Variants in GATB observed in about 807,000 individuals in gnomAD.
GATB encodes the protein glutamyl-tRNA amidotransferase subunit B, also known as glutamyl-tRNA(Gln) amidotransferase subunit B, mitochondrial.
GATB carries 39 observed loss-of-function variants against 62.3 expected under a neutral mutation model. That is an observed-to-expected ratio of 0.63 (90% CI 0.48 to 0.82). The LOEUF (loss-of-function observed/expected upper bound fraction) is 0.82. Ranked by LOEUF, GATB falls within the 40% of genes least tolerant of loss-of-function variation. The pLI is 0.00. For synonymous variants in GATB, 276 were observed against 258.9 expected (o/e 1.07, Z -0.63); for missense variants, 670 against 684.0 (o/e 0.98, Z 0.23).
At chr4:151,671,999 G>A (rs558008531) in intron 12 of GATB, among the ~76,000 whole-genome samples, 1 of 152,360 alleles carries the variant, frequency 6.6e-6, no homozygotes, top group South Asian at 2.1e-4. Flanking sequence ...AGTCACCACA[G>A]ATGAGGCAGG....
At chr4:151,752,337 A>G (rs1739737155) in intron 2 of GATB, among the ~76,000 whole-genome samples, 1 of 152,152 alleles carries the variant, frequency 6.6e-6, no homozygotes, top group South Asian at 2.1e-4. Context: ...ATTTAGAGAT[A>G]TATGTCCTTC....
At chr4:151,760,782 G>T in intron 1 of GATB, 25 bp downstream of exon 1, 3 of 1,554,928 alleles carry the variant, frequency 1.9e-6, no homozygotes, top group Non-Finnish European at 2.6e-6. Context: ...CAGTTAGGTG[G>T]GCAGAAATGT....
intron 2 of GATB, among the ~76,000 whole-genome samples, chr4:151,751,441 A>C (rs576715099): frequency 3.3e-5 from 5 of 152,238 alleles, no homozygotes; most frequent in African/African-American, 9.6e-5. Flanking sequence ...CCTCACCGCC[A>C]AAGAAAAACA....
intron 2 of GATB, 68 bp downstream of exon 2, chr4:151,758,704 A>G: frequency 7.9e-7 from 1 of 1,261,594 alleles, no homozygotes; most frequent in Non-Finnish European, 1.1e-6. Context: ...AAACAAGAAA[A>G]TAATTTTCCA....
intron 2 of GATB, among the ~76,000 whole-genome samples, chr4:151,758,387 G>A (rs975026968): frequency 6.6e-5 from 10 of 152,068 alleles, no homozygotes; most frequent in South Asian, 2.1e-4. Flanking sequence ...TCTGGGTTTC[G>A]AAATCATCCT....
intron 8 of GATB, chr4:151,703,632 G>A (rs1255560137): frequency 3.5e-6 from 2 of 575,876 alleles, no homozygotes; most frequent in Admixed American, 3.2e-5. Flanking sequence ...AGCTGAATCA[G>A]TCAAACAAGG....
intron 2 of GATB, among the ~76,000 whole-genome samples, chr4:151,739,298 C>T (rs541060267): frequency 1.3e-5 from 2 of 152,298 alleles, no homozygotes; most frequent in African/African-American, 4.8e-5. Context: ...GGCTCACTAG[C>T]AAGAATCCTC....
At chr4:151,757,419 A>G (rs1261605030) in intron 2 of GATB, among the ~76,000 whole-genome samples, 1 of 152,030 alleles carries the variant, frequency 6.6e-6, no homozygotes, top group Non-Finnish European at 1.5e-5. Flanking sequence ...TGACTGAGAA[A>G]AGTATACCTC....
intron 11 of GATB, 192 bp from the exon 12 acceptor site, chr4:151,673,088 C>T: frequency 1.6e-6 from 1 of 627,604 alleles, no homozygotes; most frequent in Non-Finnish European, 2.7e-6. Context: ...CTGAGGCATC[C>T]CTGAGTGCAG....
chr4:151,747,506 A>C (rs1256811917), intron 2 of GATB, among the ~76,000 whole-genome samples: 1 of 152,228 alleles, frequency 6.6e-6, no homozygotes, highest in African/African-American at 2.4e-5. Flanking sequence ...CGGTTCATTC[A>C]ATAAAACCCA....
chr4:151,740,596 CATT>C, intron 2 of GATB, among the ~76,000 whole-genome samples: 1 of 152,338 alleles, frequency 6.6e-6, no homozygotes, highest in South Asian at 2.1e-4. Context: ...ACCAAAATGT[CATT>C]ATGCAGTACA....
intron 9 of GATB, among the ~76,000 whole-genome samples, chr4:151,693,331 G>C (rs2126963662): frequency 6.6e-6 from 1 of 152,262 alleles, no homozygotes; most frequent in South Asian, 2.1e-4. Flanking sequence ...GGCTTGGGTG[G>C]GTTCACGGGA....
intron 2 of GATB, among the ~76,000 whole-genome samples, chr4:151,732,195 C>T (rs1739281091): frequency 6.6e-6 from 1 of 151,586 alleles, no homozygotes; most frequent in Non-Finnish European, 1.5e-5. Context: ...GCCCCTCTGC[C>T]TGGCCACCAC....
chr4:151,701,304 C>T (rs763722126), intron 9 of GATB, 25 bp downstream of exon 9: 2 of 1,484,446 alleles, frequency 1.3e-6, no homozygotes, highest in Non-Finnish European at 9.0e-7. Flanking sequence ...AGCCGGGATC[C>T]TCTTGGCATC....
chr4:151,680,859 CA>C (rs1227720974), intron 10 of GATB, among the ~76,000 whole-genome samples: 1 of 152,144 alleles, frequency 6.6e-6, no homozygotes, highest in Non-Finnish European at 1.5e-5. Flanking sequence ...CGTCAATGCT[CA>C]AAAAGTTTTA....
rs759621572 is a variant in GATB at position 151,759,286 on chromosome 4, G to GTA, written c.177-366_177-365dup. The stretch of plus-strand genomic sequence containing the variant: ...AAAAGCGGCATTTAACAAATTAACT[G>GTA]TAACTTATCAAGTAATCACTCAGTA... On this transcript the variant is annotated intron_variant, in intron 1 of 12. Transcript: ENST00000263985. Among the ~76,000 whole-genome samples, 142 of 152,242 alleles carry GTA rather than the reference G, an allele frequency of 9.3e-4. 1 individual carries two copies. Among genetic ancestry groups the GTA allele is most frequent in the Non-Finnish European group, 1.5e-3 (102 of 68,020 alleles).
At chr4:151,690,438 T>C (rs1469046831) in intron 9 of GATB, among the ~76,000 whole-genome samples, 1 of 152,252 alleles carries the variant, frequency 6.6e-6, no homozygotes, top group Non-Finnish European at 1.5e-5. Flanking sequence ...AAGTTCTGCT[T>C]AACTTATGGA....
At chr4:151,705,147 C>T (rs368566195) in intron 7 of GATB, 38 bp downstream of exon 7, 1 of 1,463,900 alleles carries the variant, frequency 6.8e-7, no homozygotes, top group Middle Eastern at 1.7e-4. Context: ...TCGCACCACC[C>T]CCGGCTGTGG....
At chr4:151,716,277 CTTT>C (rs1204900952) in intron 4 of GATB, 146 bp from the exon 5 acceptor site, 6,493 of 408,888 alleles carry the variant, frequency 0.016, no homozygotes, top group Middle Eastern at 0.024. Flanking sequence ...TCCCTCCCAC[CTTT>C]TTTTTTTTTT....
Sources: allele counts gnomAD v4.1 joint callset (sites outside exome capture counted in the v4.1 genomes callset), GRCh38; gene constraint gnomAD v4.1.1; transcripts MANE v1.5; gene names NCBI Gene and HGNC (gene_info 2026-07-23, HGNC 2026-07-21).